The following NRG1 variants were observed in gnomAD, a reference collection of about 807,000 sequenced individuals.
NRG1 encodes pro-neuregulin-1, membrane-bound isoform.
A neutral mutation model predicts 63.8 loss-of-function variants in NRG1; 18 were observed. The observed-to-expected ratio is 0.28, with a 90% CI of 0.19 to 0.42. The LOEUF is 0.42. Ranked by LOEUF, NRG1 falls within the 10% of genes least tolerant of loss-of-function variation. The pLI, the probability that NRG1 is intolerant of heterozygous loss-of-function variation, is 1.00. For synonymous variants in NRG1, 302 were observed against 301.3 expected, an observed-to-expected ratio of 1.00 and a Z score of -0.02; for missense variants, 762 against 814.7, an observed-to-expected ratio of 0.94 and a Z score of 0.79.
chr8:32,649,127 T>TAA (rs1334702120), intron 5 of NRG1, among the ~76,000 whole-genome samples: 1 of 151,788 alleles, frequency 6.6e-6, no homozygotes, highest in African/African-American at 2.4e-5. Flanking sequence ...TGGCAGTTGT[T>TAA]AAAAAGTACA....
chr8:31,980,733 T>C (rs1456909083), intron 1 of NRG1, among the ~76,000 whole-genome samples: 1 of 152,028 alleles, frequency 6.6e-6, no homozygotes, highest in East Asian at 1.9e-4. Context: ...ATGAATGAAG[T>C]CCCATGTTTT....
intron 1 of NRG1, among the ~76,000 whole-genome samples, chr8:32,464,281 C>CA (rs1457866725): frequency 1.6e-5 from 2 of 122,866 alleles, no homozygotes; most frequent in African/African-American, 3.1e-5. Context: ...TTATCCCCAC[C>CA]CCCCCCCACC....
At chr8:32,652,842 A>G (rs553333059) in intron 5 of NRG1, among the ~76,000 whole-genome samples, 1 of 152,224 alleles carries the variant, frequency 6.6e-6, no homozygotes, top group East Asian at 1.9e-4. Context: ...CAAACCATAC[A>G]TCTGTGTTCT....
intron 1 of NRG1, among the ~76,000 whole-genome samples, chr8:31,934,608 G>C (rs1339740450): frequency 6.6e-6 from 1 of 151,308 alleles, no homozygotes; most frequent in East Asian, 1.9e-4. Context: ...ATTGGCTTTT[G>C]TACCTCCAAA....
intron 1 of NRG1, among the ~76,000 whole-genome samples, chr8:31,883,584 C>G (rs1830511886): frequency 6.6e-6 from 1 of 152,058 alleles, no homozygotes; most frequent in Non-Finnish European, 1.5e-5. Context: ...GTAGCCCAAT[C>G]AAGTAATTTT....
intron 8 of NRG1, 42 bp downstream of exon 8, chr8:32,754,516 G>A (rs1455722321): frequency 5.1e-6 from 8 of 1,584,062 alleles, no homozygotes; most frequent in Admixed American, 1.7e-5. Flanking sequence ...CCTTCATGCA[G>A]AGACAGCTTA....
intron 1 of NRG1, among the ~76,000 whole-genome samples, chr8:32,543,110 T>C (rs7000590): frequency 0.73 from 110,833 of 152,120 alleles, 40,581 homozygotes; most frequent in East Asian, 0.84. Context: ...CAAAGTACAG[T>C]TAGGAATTCT....
chr8:32,078,580 A>G (rs764235156), intron 1 of NRG1, among the ~76,000 whole-genome samples: 48 of 152,212 alleles, frequency 3.2e-4, no homozygotes, highest in Non-Finnish European at 5.0e-4. Context: ...CCTGGTATCC[A>G]TTGAAGACTC....
chr8:32,642,221 T>C (rs10095694), intron 5 of NRG1, among the ~76,000 whole-genome samples: 94,625 of 152,038 alleles, frequency 0.62, 30,370 homozygotes, highest in African/African-American at 0.79. Context: ...CCCCATAATC[T>C]GTGTAATGCA....
chr8:31,966,662 C>T (rs535184817), intron 1 of NRG1, among the ~76,000 whole-genome samples: 58 of 152,294 alleles, frequency 3.8e-4, no homozygotes, highest in African/African-American at 1.3e-3. Flanking sequence ...ATTCCCTCAG[C>T]CAATTCCAAA....
chr8:31,933,999 A>G (rs544292604), intron 1 of NRG1, among the ~76,000 whole-genome samples: 1 of 152,314 alleles, frequency 6.6e-6, no homozygotes, highest in South Asian at 2.1e-4. Context: ...ATTTTATAAG[A>G]TACCAAAGAC....
At chr8:31,748,666 G>T (rs1183434147) in intron 1 of NRG1, among the ~76,000 whole-genome samples, 1 of 151,742 alleles carries the variant, frequency 6.6e-6, no homozygotes, top group East Asian at 1.9e-4. Flanking sequence ...TTTTTCTTAT[G>T]CAGGGCCAGC....
chr8:32,037,748 C>T (rs536845571), intron 1 of NRG1, among the ~76,000 whole-genome samples: 6 of 152,294 alleles, frequency 3.9e-5, no homozygotes, highest in South Asian at 2.1e-4. Flanking sequence ...GAATTGCTCC[C>T]GTTCCAAACT....
At chr8:32,669,628 G>C (rs573884621) in intron 5 of NRG1, among the ~76,000 whole-genome samples, 1 of 152,254 alleles carries the variant, frequency 6.6e-6, no homozygotes, top group East Asian at 1.9e-4. Context: ...TTAATAGAGT[G>C]ATTTCTGGTG....
chr8:32,334,135 A>G (rs1802970115), intron 1 of NRG1, among the ~76,000 whole-genome samples: 1 of 152,166 alleles, frequency 6.6e-6, no homozygotes, highest in African/African-American at 2.4e-5. Flanking sequence ...TATATCACTT[A>G]CAAGACTGTT....
chr8:31,982,604 G>A (rs1377141142), intron 1 of NRG1, among the ~76,000 whole-genome samples: 1 of 152,030 alleles, frequency 6.6e-6, no homozygotes, highest in Non-Finnish European at 1.5e-5. Context: ...GATGACTCGG[G>A]AGAGGCAGGT....
At chr8:32,588,608 G>T (rs1842030355) in intron 1 of NRG1, among the ~76,000 whole-genome samples, 1 of 152,162 alleles carries the variant, frequency 6.6e-6, no homozygotes, top group Non-Finnish European at 1.5e-5. Context: ...TGCATGTTAT[G>T]TGCTTGCAAA....
chr8:32,388,487 C>T (rs1441789642), intron 1 of NRG1, among the ~76,000 whole-genome samples: 1 of 152,126 alleles, frequency 6.6e-6, no homozygotes, highest in Non-Finnish European at 1.5e-5. Flanking sequence ...AATGTATCCA[C>T]AGGCATCTTT....
At chr8:32,173,464 T>G (rs571346567) in intron 1 of NRG1, among the ~76,000 whole-genome samples, 3 of 152,252 alleles carry the variant, frequency 2.0e-5, no homozygotes, top group East Asian at 1.9e-4. Flanking sequence ...AACATCATAA[T>G]GACAGGATCA....
Sources: gnomAD v4.1 joint callset for allele counts (sites outside exome capture counted in the v4.1 genomes callset) on GRCh38, gnomAD v4.1.1 for gene constraint, MANE v1.5 for transcripts, NCBI Gene and HGNC (gene_info 2026-07-23, HGNC 2026-07-21) for gene names.